TRIOBP: variants seen among roughly 807,000 people sequenced by gnomAD.
TRIOBP encodes TRIO and F-actin binding protein.
TRIOBP carries 169 observed loss-of-function variants against 238.8 expected under a neutral mutation model. The ratio of observed to expected loss-of-function variants is 0.71; its 90% CI spans 0.62 to 0.80. TRIOBP has a LOEUF of 0.80. Ranked by LOEUF, TRIOBP falls within the 30% of genes least tolerant of loss-of-function variation. The pLI, the probability that TRIOBP is intolerant of heterozygous loss-of-function variation, is 0.00. For missense variants in TRIOBP, 2,838 were observed against 3,122.6 expected, an observed-to-expected ratio of 0.91 and a Z score of 2.17; for synonymous variants, 1,150 against 1,274.4, an observed-to-expected ratio of 0.90 and a Z score of 2.08.
At chr22:37,733,604 A>G (rs1381186268) in intron 8 of TRIOBP, among the ~76,000 whole-genome samples, 192 bp downstream of exon 8, 2 of 151,242 alleles carry the variant, frequency 1.3e-5, no homozygotes, top group African/African-American at 2.4e-5. Context: ...AAGACCCCAC[A>G]TTAATCCTTT....
At chr22:37,738,098 A>C (rs1490488122) in intron 9 of TRIOBP, among the ~76,000 whole-genome samples, 1 of 152,244 alleles carries the variant, frequency 6.6e-6, no homozygotes, top group Non-Finnish European at 1.5e-5. Context: ...CAGTGGGTGA[A>C]CAATGAATGA....
At position 37,751,858 on chromosome 22, in the gene TRIOBP, G is replaced by C. The variant is rs762131711; in HGVS notation, c.5379+30G>C. On this transcript the variant is annotated intron_variant, in intron 12 of 23. Transcript: ENST00000644935. Reference sequence around the variant, plus strand: ...GAGGACTGAGGCCGGAGGGGAGGAAGCTGGCTTGTGCTGCTGCTGGGCCCC... The same window carrying C: ...GAGGACTGAGGCCGGAGGGGAGGAACCTGGCTTGTGCTGCTGCTGGGCCCC... 42 of 1,613,180 alleles carry C rather than the reference G, an allele frequency of 2.6e-5. 1 individual carries two copies. In the South Asian group the frequency reaches 4.6e-4, roughly 18 times the overall value.
chr22:37,757,491 T>C (rs983694146), intron 15 of TRIOBP, 122 bp from the exon 16 acceptor site: 9 of 1,382,612 alleles, frequency 6.5e-6, no homozygotes, highest in Non-Finnish European at 8.9e-6. Flanking sequence ...GGCTGCTTCC[T>C]TCCCTGGGGT....
intron 11 of TRIOBP, among the ~76,000 whole-genome samples, chr22:37,742,455 G>C (rs1924985080): frequency 6.6e-6 from 1 of 151,982 alleles, no homozygotes; most frequent in South Asian, 2.1e-4. Context: ...TAGAGATGGG[G>C]TTTCACCACG....
chr22:37,721,425 TAAG>T (rs1272681843), intron 6 of TRIOBP, among the ~76,000 whole-genome samples: 2 of 152,180 alleles, frequency 1.3e-5, no homozygotes, highest in South Asian at 2.1e-4. Context: ...CAGGGGATCT[TAAG>T]AAGGCGTGAA....
intron 7 of TRIOBP, among the ~76,000 whole-genome samples, chr22:37,731,466 A>G (rs1924417883): frequency 1.7e-5 from 1 of 57,866 alleles, no homozygotes; most frequent in Non-Finnish European, 4.9e-5. Flanking sequence ...ATATATATAT[A>G]TATTTTTTGA....
intron 18 of TRIOBP, among the ~76,000 whole-genome samples, chr22:37,766,263 C>CA (rs1405890118): frequency 1.3e-5 from 2 of 152,230 alleles, no homozygotes; most frequent in African/African-American, 4.8e-5. Context: ...CACTGGGCCC[C>CA]ACATGTTTCC....
chr22:37,700,934 G>A (rs1428179698), intron 2 of TRIOBP, among the ~76,000 whole-genome samples: 4 of 151,812 alleles, frequency 2.6e-5, no homozygotes, highest in Admixed American at 6.6e-5. Flanking sequence ...TCAAGTGATC[G>A]GCCCACCTCG....
chr22:37,753,956 G>C (rs1023629682), intron 12 of TRIOBP, among the ~76,000 whole-genome samples: 1 of 152,160 alleles, frequency 6.6e-6, no homozygotes, highest in Non-Finnish European at 1.5e-5. Context: ...CTATCAGGCT[G>C]TTCTGGCGCC....
At chr22:37,747,562 A>G (rs1188462618) in intron 11 of TRIOBP, among the ~76,000 whole-genome samples, 1 of 151,828 alleles carries the variant, frequency 6.6e-6, no homozygotes, top group Non-Finnish European at 1.5e-5. Flanking sequence ...ACATCCTGCC[A>G]CCTCCCTGCT....
chr22:37,734,337 G>A, intron 8 of TRIOBP, 62 bp from the exon 9 acceptor site: 2 of 1,482,152 alleles, frequency 1.3e-6, no homozygotes, highest in Non-Finnish European at 1.9e-6. Flanking sequence ...CCTAAGAAAG[G>A]CAGAGCTGGC....
At chr22:37,755,760 C>A in intron 15 of TRIOBP, 101 bp downstream of exon 15, 1 of 936,028 alleles carries the variant, frequency 1.1e-6, no homozygotes, top group Non-Finnish European at 1.7e-6. Context: ...TTTCTGGGCC[C>A]TCGTTTCTCT....
chr22:37,761,760 G>T (rs1006955588), intron 17 of TRIOBP, among the ~76,000 whole-genome samples: 1 of 151,902 alleles, frequency 6.6e-6, no homozygotes, highest in Non-Finnish European at 1.5e-5. Context: ...AGTTTCCACT[G>T]ATAGAGGAGC....
chr22:37,763,544 C>T (rs1926343180), intron 17 of TRIOBP, among the ~76,000 whole-genome samples: 1 of 152,198 alleles, frequency 6.6e-6, no homozygotes, highest in South Asian at 2.1e-4. Flanking sequence ...TCATCTGGTC[C>T]TCTGTGCCTT....
At chr22:37,732,155 G>A (rs1924454836) in intron 7 of TRIOBP, among the ~76,000 whole-genome samples, 1 of 152,160 alleles carries the variant, frequency 6.6e-6, no homozygotes, top group Non-Finnish European at 1.5e-5. Context: ...TGACCCCTTA[G>A]GTAGAGGAAG....
rs766898636 is a variant in TRIOBP, at chr22:37,725,933, C to A, written c.3377C>A (p.Pro1126Gln). 1 of 1,613,808 alleles carries A rather than the reference C, an allele frequency of 6.2e-7. No individual in the cohort carries two copies. The highest frequency in any genetic ancestry group is 8.5e-7 in the Non-Finnish European group (1 of 1,179,958). The change falls in exon 7 of 24, where the codon CCA (proline) becomes CAA (glutamine). Residue 1126 changes from proline to glutamine, a missense_variant. By Grantham distance (76) the Pro-to-Gln change is moderately conservative (BLOSUM62 -1). This residue lies in a region of TRIOBP where 2,096 missense variants were observed against 2,137.4 expected (regional missense o/e 0.98). Transcript: ENST00000644935. The stretch of plus-strand genomic sequence containing the variant: ...GATGCACCCCGGGCCTCCTCCCCAC[C>A]ACGCCAGGCCCCAGAGCCTTCCCTC... ...YRDAPRASSP[P>Q]RQAPEPSLLF...
In TRIOBP at chr22:37,769,099, T is replaced by G. The variant is rs765741211; in HGVS notation, c.6647T>G (p.Ile2216Ser). ...SEQYSQKCLE[I>S]GALMRQAEER... ...CAGTACTCGCAGAAGTGCCTGGAGA[T>G]TGGGGCACTCATGCGGCAGGCTGAG... The change falls in exon 20 of 24, where the codon ATT (isoleucine) becomes AGT (serine). Residue 2216 changes from isoleucine to serine, a missense_variant. Physicochemically the swap from Ile to Ser is moderately radical, Grantham distance 142. Coordinates refer to ENST00000644935, the MANE Select transcript of TRIOBP (RefSeq NM_001039141.3). 13 of 1,613,526 alleles carry G rather than the reference T, an allele frequency of 8.1e-6. No homozygotes were observed. Among genetic ancestry groups the G allele is most frequent in the Non-Finnish European group, 1.1e-5 (13 of 1,180,022 alleles).
intron 3 of TRIOBP, 147 bp from the exon 4 acceptor site, chr22:37,710,280 T>G: frequency 7.9e-7 from 1 of 1,269,102 alleles, no homozygotes; most frequent in Non-Finnish European, 1.1e-6. Flanking sequence ...CAAGGGGTGC[T>G]TCTAGCCTGA....
chr22:37,719,989 C>CACACTGCCCTCACGGTTTCACTCAT (rs367687004), intron 6 of TRIOBP, among the ~76,000 whole-genome samples: 1 of 71,208 alleles, frequency 1.4e-5, no homozygotes, highest in Non-Finnish European at 2.5e-5. Context: ...TTTCACTCAT[C>CACACTGCCCTCACGGTTTCACTCAT]CCCCCCCGCC....
Sources: gnomAD v4.1 joint callset for allele counts (sites outside exome capture counted in the v4.1 genomes callset) on GRCh38, gnomAD v4.1.1 for gene constraint, gnomAD v4.1.1 regional missense constraint, MANE v1.5 for transcripts, NCBI Gene and HGNC (gene_info 2026-07-23, HGNC 2026-07-21) for gene names.